CADPS: variants seen among roughly 807,000 people sequenced by gnomAD.
The protein encoded by CADPS is calcium dependent secretion activator.
CADPS carries 57 observed loss-of-function variants against 167.3 expected under a neutral mutation model. The observed-to-expected ratio is 0.34, with a 90% confidence interval of 0.28 to 0.42. The LOEUF is 0.42. Ranked by LOEUF, CADPS falls within the 20% of genes least tolerant of loss-of-function variation. CADPS has a pLI of 1.00. For missense variants in CADPS, 1,414 were observed against 1,738.1 expected (o/e 0.81, Z 3.32); for synonymous variants, 676 against 635.3 (o/e 1.06, Z -0.96).
intron 1 of CADPS, among the ~76,000 whole-genome samples, chr3:62,790,702 T>C (rs1249957355): frequency 6.6e-6 from 1 of 152,224 alleles, no homozygotes; most frequent in Non-Finnish European, 1.5e-5. Context: ...TTTAAGGATA[T>C]TGTCAATGAT....
chr3:62,617,221 G>T (rs2062456298), intron 6 of CADPS, among the ~76,000 whole-genome samples: 1 of 152,136 alleles, frequency 6.6e-6, no homozygotes, highest in South Asian at 2.1e-4. Context: ...AACACAATGA[G>T]CCAATAAATG....
At chr3:62,852,307 G>A (rs563592242) in intron 1 of CADPS, among the ~76,000 whole-genome samples, 23 of 152,052 alleles carry the variant, frequency 1.5e-4, no homozygotes, top group Admixed American at 7.2e-4. Context: ...GCTTTGTTCC[G>A]TTGCTGGTGA....
At chr3:62,502,592 T>C (rs1003772292) in intron 17 of CADPS, among the ~76,000 whole-genome samples, 1 of 152,212 alleles carries the variant, frequency 6.6e-6, no homozygotes, top group Non-Finnish European at 1.5e-5. Flanking sequence ...ATGCTCTCTT[T>C]TGAGTATCTC....
intron 7 of CADPS, among the ~76,000 whole-genome samples, chr3:62,587,386 C>T (rs1012108207): frequency 6.6e-6 from 1 of 152,164 alleles, no homozygotes; most frequent in Admixed American, 6.5e-5. Context: ...TGTTCTTACA[C>T]GTCACCCTGT....
chr3:62,589,914 G>T (rs573100629), intron 7 of CADPS, among the ~76,000 whole-genome samples: 1 of 152,270 alleles, frequency 6.6e-6, no homozygotes, highest in South Asian at 2.1e-4. Flanking sequence ...TCCAGGCTGG[G>T]TGCAGTAGCT....
chr3:62,805,542 A>G (rs1303484379), intron 1 of CADPS, among the ~76,000 whole-genome samples: 1 of 152,176 alleles, frequency 6.6e-6, no homozygotes, highest in African/African-American at 2.4e-5. Flanking sequence ...TCTATAGTTT[A>G]TGAACTGCCT....
intron 1 of CADPS, among the ~76,000 whole-genome samples, chr3:62,781,522 G>A (rs949726365): frequency 1.3e-5 from 2 of 152,268 alleles, no homozygotes; most frequent in Admixed American, 6.5e-5. Context: ...TGACACACGT[G>A]ACTCCCAGCA....
chr3:62,609,164 C>T (rs1578741553), intron 6 of CADPS, among the ~76,000 whole-genome samples: 1 of 152,250 alleles, frequency 6.6e-6, no homozygotes, highest in African/African-American at 2.4e-5. Flanking sequence ...AAGTTATGAA[C>T]CTTAATGCTT....
chr3:62,831,993 A>G (rs1393059138), intron 1 of CADPS, among the ~76,000 whole-genome samples: 1 of 152,230 alleles, frequency 6.6e-6, no homozygotes, highest in African/African-American at 2.4e-5. Context: ...CCCTCTGGTC[A>G]AGATGCTAAG....
intron 2 of CADPS, among the ~76,000 whole-genome samples, chr3:62,761,976 T>C (rs926438848): frequency 2.6e-5 from 4 of 152,196 alleles, no homozygotes; most frequent in Admixed American, 1.3e-4. Flanking sequence ...TAAACCTGTG[T>C]GCTCTTGAGA....
chr3:62,726,819 A>C (rs951445810), intron 3 of CADPS, among the ~76,000 whole-genome samples: 5 of 151,926 alleles, frequency 3.3e-5, no homozygotes, highest in African/African-American at 1.2e-4. Context: ...AAGACTAGTA[A>C]AACTTTCCAC....
intron 28 of CADPS, among the ~76,000 whole-genome samples, chr3:62,429,699 T>C (rs547022564): frequency 6.7e-6 from 1 of 150,104 alleles, no homozygotes; most frequent in Non-Finnish European, 1.5e-5. Context: ...TGCCGTTAAG[T>C]CTGCCATAAG....
chr3:62,842,055 A>AAAT, intron 1 of CADPS, among the ~76,000 whole-genome samples: 1 of 152,226 alleles, frequency 6.6e-6, no homozygotes, highest in Non-Finnish European at 1.5e-5. Context: ...TCTAAGCAGC[A>AAAT]AATAATTCTA....
At chr3:62,686,046 G>T (rs1159635166) in intron 3 of CADPS, among the ~76,000 whole-genome samples, 2 of 152,036 alleles carry the variant, frequency 1.3e-5, no homozygotes, top group East Asian at 3.9e-4. Context: ...TAATTACCTT[G>T]ATCTGACCAC....
At chr3:62,456,883 A>C (rs1560619395) in intron 26 of CADPS, among the ~76,000 whole-genome samples, 1 of 152,130 alleles carries the variant, frequency 6.6e-6, no homozygotes, top group Non-Finnish European at 1.5e-5. Context: ...GACATCCCTA[A>C]CTTCGAACAT....
At chr3:62,402,184 C>G (rs1706519339) in intron 29 of CADPS, among the ~76,000 whole-genome samples, 1 of 119,770 alleles carries the variant, frequency 8.3e-6, no homozygotes, top group African/African-American at 3.3e-5. Context: ...TAAGTCAGCA[C>G]TGGGGTAAAG....
chr3:62,425,014 A>T (rs1202652482), intron 28 of CADPS, among the ~76,000 whole-genome samples: 2 of 152,220 alleles, frequency 1.3e-5, no homozygotes, highest in Non-Finnish European at 2.9e-5. Context: ...TAGTTTCAGA[A>T]GAAAGGGCCC....
At chr3:62,632,543 A>T (rs2065483632) in intron 6 of CADPS, among the ~76,000 whole-genome samples, 1 of 152,158 alleles carries the variant, frequency 6.6e-6, no homozygotes, top group Admixed American at 6.5e-5. Flanking sequence ...TGATTTATTT[A>T]CATGTAATTA....
chr3:62,426,127 A>G (rs2052605936), intron 28 of CADPS, among the ~76,000 whole-genome samples: 1 of 152,016 alleles, frequency 6.6e-6, no homozygotes, highest in East Asian at 1.9e-4. Flanking sequence ...TAGTATTAGG[A>G]AAGGGTGTGG....
Sources: allele counts gnomAD v4.1 joint callset (sites outside exome capture counted in the v4.1 genomes callset), GRCh38; gene constraint gnomAD v4.1.1; transcripts MANE v1.5; gene names NCBI Gene and HGNC (gene_info 2026-07-23, HGNC 2026-07-21).